Variants in FGF13 observed in about 807,000 individuals in gnomAD.
The protein encoded by FGF13 is fibroblast growth factor homologous factor 2.
Under a neutral mutation model 19.5 loss-of-function variants are expected in FGF13, and 2 were observed. The ratio of observed to expected loss-of-function variants is 0.10; its 90% CI spans 0.04 to 0.32. FGF13 has a LOEUF of 0.32. Among genes scored for constraint, FGF13 ranks in the 10% least tolerant of loss-of-function variants. The pLI, the probability that FGF13 is intolerant of heterozygous loss-of-function variation, is 1.00. For missense variants in FGF13, 113 were observed against 192.7 expected (o/e 0.59, Z 2.45); for synonymous variants, 72 against 76.9 (o/e 0.94, Z 0.33).
rs757990761 is a variant in FGF13, at chrX:138,703,128, G to A, written c.299-41C>T. The A allele has an allele frequency of 2.6e-5, 27 of 1,031,848 alleles. No individual in the cohort carries two copies. The East Asian group carries it at 8.2e-4, about 31-fold the overall frequency. The allele number at this position is 1,031,848 out of a possible 1,213,427, so 85.0% of individuals were successfully genotyped here. A position where few individuals can be genotyped will look rare whatever the true frequency, so the allele number is the denominator to read the frequency against. On this transcript the variant is annotated intron_variant, in intron 2 of 4. Transcript: ENST00000315930. ...AAAATGAAAACAGTGTTACAATTCT[G>A]AATTTCAGAACTTTTCAATGTTTCC...
At chrX:138,808,816 C>T (rs768455938) in intron 3 of FGF13, among the ~76,000 whole-genome samples, 1 of 112,085 alleles carries the variant, frequency 8.9e-6, no homozygotes, top group African/African-American at 3.2e-5. Context: ...GCTATAAACA[C>T]CTCTATGCAA....
At chrX:138,964,324 AC>A (rs1256067190) in intron 1 of FGF13, among the ~76,000 whole-genome samples, 3 of 110,790 alleles carry the variant, frequency 2.7e-5, no homozygotes, top group African/African-American at 9.9e-5. Flanking sequence ...TACAAATCTG[AC>A]CCCCCACTAT....
At chrX:138,825,366 C>A (rs950523971) in intron 3 of FGF13, among the ~76,000 whole-genome samples, 1 of 111,638 alleles carries the variant, frequency 9.0e-6, no homozygotes, top group Admixed American at 9.5e-5. Context: ...ATTCTTATGG[C>A]GATTACAAAA....
intron 1 of FGF13, among the ~76,000 whole-genome samples, chrX:138,967,140 C>G (rs1477171852): frequency 2.8e-5 from 3 of 108,542 alleles, no homozygotes; most frequent in Admixed American, 9.9e-5. Context: ...AAATTGCTCC[C>G]TGCCCCCCAA....
chrX:138,862,829 C>T (rs1459164123), intron 2 of FGF13, among the ~76,000 whole-genome samples: 1 of 111,936 alleles, frequency 8.9e-6, no homozygotes, highest in East Asian at 2.8e-4. Context: ...TTGGAAATTT[C>T]AGTTACCTTC....
rs920869351 is a variant in FGF13 at position 139,114,487 on chromosome X, C to T, written c.-113+88929G>A. ...TCAGTAGCTGCCCATGAAGATCTCA[C>T]TGGCTTGTGAGTGGAAGAAACACTT... On this transcript the variant is annotated intron_variant, in intron 1 of 2. Coordinates refer to the FGF13 transcript ENST00000421460. Among the ~76,000 whole-genome samples the T allele has an allele frequency of 2.7e-5, 3 of 111,874 alleles. No individual in the cohort carries two copies. In the Admixed American group the frequency reaches 2.9e-4, roughly 11 times the overall value.
Position 139,033,399 on chromosome X carries a change from C to A in FGF13, c.-112-168749G>T, listed in dbSNP as rs763146331. Among the ~76,000 whole-genome samples the A allele has an allele frequency of 6.3e-5, 7 of 111,523 alleles. No individual in the cohort carries two copies. The South Asian group carries it at 2.6e-3, about 41-fold the overall frequency. On this transcript the variant is annotated intron_variant, in intron 1 of 2. Transcript: ENST00000421460. ...TTCCTTGACATTTGGATTTAATAGA[C>A]CTTTATCGATCACTGACTTAGGTAC... is the stretch of plus-strand genomic sequence containing the variant.
intron 1 of FGF13, among the ~76,000 whole-genome samples, chrX:138,928,266 T>C (rs2091684081): frequency 9.1e-6 from 1 of 110,387 alleles, no homozygotes; most frequent in African/African-American, 3.3e-5. Flanking sequence ...AATATTTTAA[T>C]TTATATATTA....
At chrX:139,033,654 C>T (rs1225164721) in intron 1 of FGF13, among the ~76,000 whole-genome samples, 2 of 111,892 alleles carry the variant, frequency 1.8e-5, no homozygotes, top group Admixed American at 9.5e-5. Flanking sequence ...TGTAAACATA[C>T]GTGACATTTT....
intron 1 of FGF13, among the ~76,000 whole-genome samples, chrX:139,134,331 A>C (rs922597327): frequency 2.7e-5 from 3 of 111,762 alleles, no homozygotes; most frequent in African/African-American, 9.8e-5. Flanking sequence ...AATCCCCTTC[A>C]TCTGCCATTC....
At chrX:138,736,610 C>T (rs1163246971) in intron 1 of FGF13, among the ~76,000 whole-genome samples, 1 of 109,853 alleles carries the variant, frequency 9.1e-6, no homozygotes, top group Admixed American at 9.8e-5. Context: ...TTTGCAACCC[C>T]TGAAAAATGG....
At chrX:138,966,486 G>C (rs1385998140) in intron 1 of FGF13, among the ~76,000 whole-genome samples, 1 of 112,269 alleles carries the variant, frequency 8.9e-6, no homozygotes, top group African/African-American at 3.2e-5. Flanking sequence ...TTTCGAACTT[G>C]TGTGGAGCCT....
chrX:138,936,900 A>G (rs942331439), intron 1 of FGF13, among the ~76,000 whole-genome samples: 1 of 111,680 alleles, frequency 9.0e-6, no homozygotes, highest in Non-Finnish European at 1.9e-5. Flanking sequence ...TCATTGAGAA[A>G]AGGGATTAAA....
chrX:139,003,234 G>A (rs376088675), intron 1 of FGF13, among the ~76,000 whole-genome samples: 6 of 110,200 alleles, frequency 5.4e-5, no homozygotes, highest in Admixed American at 9.6e-5. Context: ...GCAGACCTTC[G>A]CGGTGAGTGT....
intron 1 of FGF13, among the ~76,000 whole-genome samples, chrX:139,057,759 A>G (rs1197479484): frequency 3.6e-4 from 40 of 112,467 alleles, no homozygotes; most frequent in Non-Finnish European, 7.5e-5. Flanking sequence ...TGAAAACGAT[A>G]TGCTAACTGA....
At chrX:138,805,598 G>A (rs2090860489) in intron 3 of FGF13, among the ~76,000 whole-genome samples, 1 of 111,688 alleles carries the variant, frequency 9.0e-6, no homozygotes, top group Non-Finnish European at 1.9e-5. Flanking sequence ...AACAAAAATT[G>A]CATAATTCAA....
chrX:138,758,529 C>A (rs2090445787), intron 3 of FGF13, among the ~76,000 whole-genome samples: 1 of 110,578 alleles, frequency 9.0e-6, no homozygotes, highest in African/African-American at 3.3e-5. Flanking sequence ...GATCTTCGAC[C>A]CTCTCTTCTC....
At chrX:139,203,913 C>T, upstream of FGF13, 1 of 562,820 alleles carries the variant, frequency 1.8e-6, no homozygotes, top group Admixed American at 3.1e-5. Flanking sequence ...GCGACCTCTG[C>T]CCCCCCTTTT....
intron 1 of FGF13, among the ~76,000 whole-genome samples, chrX:139,085,712 GTACC>G (rs1193458857): frequency 9.0e-6 from 1 of 111,707 alleles, no homozygotes; most frequent in African/African-American, 3.3e-5. Context: ...CTGACAAATG[GTACC>G]TACCTAAATG....
Sources: gnomAD v4.1 joint callset for allele counts (sites outside exome capture counted in the v4.1 genomes callset) on GRCh38, gnomAD v4.1.1 for gene constraint, MANE v1.5 for transcripts, NCBI Gene and HGNC (gene_info 2026-07-23, HGNC 2026-07-21) for gene names.